Variants in CFAP299 observed in about 807,000 individuals in gnomAD.
CFAP299 encodes the protein cilia- and flagella-associated protein 299.
Under a neutral mutation model 27.0 loss-of-function variants are expected in CFAP299, and 21 were observed. That is an observed-to-expected ratio of 0.78 (90% confidence interval 0.55 to 1.12). The LOEUF is 1.12. Ranked by LOEUF, CFAP299 falls within the 50% of genes most tolerant of loss-of-function variation. CFAP299 has a pLI of 0.00. For missense variants in CFAP299, 310 were observed against 276.6 expected (o/e 1.12, Z -0.86); for synonymous variants, 104 against 98.1 (o/e 1.06, Z -0.36).
intron 3 of CFAP299, among the ~76,000 whole-genome samples, chr4:80,598,803 A>G (rs1737183783): frequency 6.6e-6 from 1 of 152,180 alleles, no homozygotes; most frequent in Non-Finnish European, 1.5e-5. Flanking sequence ...GTTGTACCTA[A>G]CATACTGTTT....
chr4:80,705,630 A>G (rs562655374), intron 3 of CFAP299, among the ~76,000 whole-genome samples: 37 of 151,994 alleles, frequency 2.4e-4, no homozygotes, highest in Non-Finnish European at 3.7e-4. Context: ...TTGATCTAAC[A>G]GGGAAAGGCA....
chr4:80,386,466 C>T lies in CFAP299; in HGVS notation c.242+23582C>T, dbSNP rs1425774535. On this transcript the variant is annotated intron_variant, in intron 2 of 5. Transcript: ENST00000358105. ...CAAGGGGGTCACCACCTTGCGCCCA[C>T]CACTGCCGCCACGGCGCGGGGCTGC... 4.6e-6 allele frequency: 7 copies of T among 1,536,382 alleles called. No homozygotes were observed. In the Admixed American group the frequency reaches 7.6e-5, roughly 17 times the overall value.
At chr4:80,755,337 G>A (rs563658010) in intron 3 of CFAP299, among the ~76,000 whole-genome samples, 1 of 152,174 alleles carries the variant, frequency 6.6e-6, no homozygotes, top group South Asian at 2.1e-4. Flanking sequence ...AGTGAGAAAT[G>A]TTAAGCTCTT....
At chr4:80,813,093 AT>A (rs1279394281) in intron 3 of CFAP299, among the ~76,000 whole-genome samples, 3 of 152,064 alleles carry the variant, frequency 2.0e-5, no homozygotes, top group Admixed American at 6.6e-5. Flanking sequence ...ATTTGAAACT[AT>A]TTTCACATAT....
chr4:80,689,033 G>T (rs1243889113), intron 3 of CFAP299, among the ~76,000 whole-genome samples: 1 of 152,194 alleles, frequency 6.6e-6, no homozygotes, highest in East Asian at 1.9e-4. Flanking sequence ...CAAGAAATAT[G>T]GGACTATGTG....
chr4:80,452,050 G>T (rs1728929818), intron 2 of CFAP299, among the ~76,000 whole-genome samples: 1 of 152,154 alleles, frequency 6.6e-6, no homozygotes, highest in South Asian at 2.1e-4. Flanking sequence ...AAATATAAAG[G>T]TAATTTCCTG....
At chr4:80,536,428 C>G (rs1349458457) in intron 2 of CFAP299, among the ~76,000 whole-genome samples, 1 of 152,066 alleles carries the variant, frequency 6.6e-6, no homozygotes, top group African/African-American at 2.4e-5. Context: ...GCAAAAGGAA[C>G]AAAGCTGGAG....
intron 4 of CFAP299, among the ~76,000 whole-genome samples, chr4:80,913,363 T>G (rs1735575405): frequency 6.6e-6 from 1 of 152,218 alleles, no homozygotes; most frequent in Non-Finnish European, 1.5e-5. Context: ...GAATGGCTTA[T>G]GCATTTTCGG....
At chr4:80,566,638 C>T (rs1283934297) in intron 2 of CFAP299, among the ~76,000 whole-genome samples, 2 of 152,076 alleles carry the variant, frequency 1.3e-5, no homozygotes, top group Non-Finnish European at 2.9e-5. Context: ...AACTGCTTCC[C>T]ACAGATGGAG....
chr4:80,855,616 C>T lies in CFAP299; in HGVS notation c.334-14377C>T, dbSNP rs1485329547. Among the ~76,000 whole-genome samples the T allele has an allele frequency of 2.0e-5, 3 of 152,002 alleles. No homozygotes were observed. In the South Asian group the frequency reaches 6.2e-4, roughly 32 times the overall value. ...GTTCCCCTTCCTGTATCCATGTGTT[C>T]TCATTGTTCAATTCCCATCTATGAG... On this transcript the variant is annotated intron_variant, in intron 3 of 5. Coordinates refer to ENST00000358105, the MANE Select transcript of CFAP299 (RefSeq NM_152770.3).
At chr4:80,897,053 G>A (rs1243591167) in intron 4 of CFAP299, among the ~76,000 whole-genome samples, 1 of 151,980 alleles carries the variant, frequency 6.6e-6, no homozygotes, top group Admixed American at 6.6e-5. Flanking sequence ...AATATCAGCA[G>A]AAAAATGAAA....
chr4:80,870,822 C>A (rs1234267678), intron 4 of CFAP299: 1 of 984,916 alleles, frequency 1.0e-6, no homozygotes, highest in Non-Finnish European at 1.2e-6. Flanking sequence ...ATGATTATAA[C>A]AATACCTACC....
At chr4:80,401,355 G>T (rs913884166) in intron 2 of CFAP299, among the ~76,000 whole-genome samples, 1 of 152,126 alleles carries the variant, frequency 6.6e-6, no homozygotes, top group Non-Finnish European at 1.5e-5. Flanking sequence ...AGGTAAAAAT[G>T]GTTTAGTGGA....
At chr4:80,362,632 T>C (rs994627092) in intron 1 of CFAP299, 122 bp from the exon 2 acceptor site, 7 of 1,061,912 alleles carry the variant, frequency 6.6e-6, no homozygotes, top group African/African-American at 3.2e-5. Flanking sequence ...AGTTTTTAAA[T>C]ACATTTAATT....
At chr4:80,444,319 A>G (rs546533143) in intron 2 of CFAP299, among the ~76,000 whole-genome samples, 1 of 152,352 alleles carries the variant, frequency 6.6e-6, no homozygotes, top group East Asian at 1.9e-4. Flanking sequence ...TGGTACTGGT[A>G]CCAAAACAGA....
intron 4 of CFAP299, among the ~76,000 whole-genome samples, chr4:80,908,197 T>C (rs931721862): frequency 6.6e-6 from 1 of 152,212 alleles, no homozygotes; most frequent in African/African-American, 2.4e-5. Flanking sequence ...AGTTAGAGCG[T>C]GTGTAATGCA....
At chr4:80,360,886 C>G (rs1369682056) in intron 1 of CFAP299, among the ~76,000 whole-genome samples, 1 of 152,038 alleles carries the variant, frequency 6.6e-6, no homozygotes, top group Admixed American at 6.5e-5. Flanking sequence ...TCTTTGTGGC[C>G]CTTACATACA....
At chr4:80,842,969 C>G (rs1409769768) in intron 3 of CFAP299, among the ~76,000 whole-genome samples, 2 of 151,922 alleles carry the variant, frequency 1.3e-5, no homozygotes, top group East Asian at 3.9e-4. Flanking sequence ...GTTTATCTTG[C>G]TCATTTTGGT....
intron 1 of CFAP299, among the ~76,000 whole-genome samples, chr4:80,348,394 A>C (rs1190430912): frequency 6.6e-6 from 1 of 152,230 alleles, no homozygotes; most frequent in Non-Finnish European, 1.5e-5. Context: ...TCCGTCTGAC[A>C]AAGGTCTAAT....
Sources: gnomAD v4.1 joint callset for allele counts (sites outside exome capture counted in the v4.1 genomes callset) on GRCh38, gnomAD v4.1.1 for gene constraint, MANE v1.5 for transcripts, NCBI Gene and HGNC (gene_info 2026-07-23, HGNC 2026-07-21) for gene names.